Variants in CDH12 observed in about 807,000 individuals in gnomAD.
CDH12 encodes the protein cadherin 12, also known as cadherin-12.
CDH12 carries 41 observed loss-of-function variants against 74.1 expected under a neutral mutation model. The ratio of observed to expected loss-of-function variants is 0.55; its 90% CI spans 0.43 to 0.72. CDH12 has a LOEUF of 0.72. Ranked by LOEUF, CDH12 falls within the 30% of genes least tolerant of loss-of-function variation. The pLI is 0.00. For synonymous variants in CDH12, 399 were observed against 355.0 expected (o/e 1.12, Z -1.39); for missense variants, 945 against 977.2 (o/e 0.97, Z 0.44).
At chr5:21,991,016 T>G (rs1757721792) in intron 5 of CDH12, among the ~76,000 whole-genome samples, 1 of 151,194 alleles carries the variant, frequency 6.6e-6, no homozygotes, top group East Asian at 2.0e-4. Flanking sequence ...GAATTAGCAA[T>G]AGATATAAAC....
At chr5:22,463,475 A>G (rs1745600097) in intron 2 of CDH12, among the ~76,000 whole-genome samples, 1 of 152,166 alleles carries the variant, frequency 6.6e-6, no homozygotes, top group Non-Finnish European at 1.5e-5. Flanking sequence ...GATTCAAAAA[A>G]CACTGTATAC....
intron 1 of CDH12, among the ~76,000 whole-genome samples, chr5:22,577,201 G>A (rs570333785): frequency 1.5e-4 from 23 of 152,238 alleles, no homozygotes; most frequent in African/African-American, 5.5e-4. Flanking sequence ...CAACCAGTCA[G>A]CCCTCATCTA....
At position 22,633,986 on chromosome 5, in the gene CDH12, A is replaced by C. The variant is rs1738708863; in HGVS notation, c.-522-128622T>G. 2.0e-5 allele frequency among the ~76,000 whole-genome samples: 3 copies of C among 152,204 alleles called. No individual in the cohort carries two copies. The South Asian group carries it at 6.2e-4, about 31-fold the overall frequency. On this transcript the variant is annotated intron_variant, in intron 1 of 14. Coordinates refer to ENST00000382254, the MANE Select transcript of CDH12 (RefSeq NM_004061.5). ...TATAAGAAGAGGAAAGGAAAGGACC[A>C]TATTGCTATAAAGCTTTTGTATAGT...
intron 4 of CDH12, among the ~76,000 whole-genome samples, chr5:22,190,383 T>C (rs1424296850): frequency 6.6e-6 from 1 of 152,098 alleles, no homozygotes; most frequent in Non-Finnish European, 1.5e-5. Context: ...TATCTATCTA[T>C]CTATCTATCT....
At chr5:21,814,537 G>C (rs1747937366) in intron 9 of CDH12, among the ~76,000 whole-genome samples, 1 of 151,338 alleles carries the variant, frequency 6.6e-6, no homozygotes, top group African/African-American at 2.4e-5. Flanking sequence ...TTTCTAGATT[G>C]ACACCTAGAC....
intron 1 of CDH12, among the ~76,000 whole-genome samples, chr5:22,822,619 A>C (rs1437104053): frequency 6.6e-6 from 1 of 152,216 alleles, no homozygotes; most frequent in Non-Finnish European, 1.5e-5. Flanking sequence ...GCAGCCAAAA[A>C]ACACATGAAA....
At chr5:22,726,606 A>T (rs896015362) in intron 1 of CDH12, among the ~76,000 whole-genome samples, 6 of 151,952 alleles carry the variant, frequency 3.9e-5, no homozygotes, top group African/African-American at 1.4e-4. Flanking sequence ...ATTGCTTCAC[A>T]TTCCAGGCAG....
chr5:22,708,984 G>C (rs1743160583), intron 1 of CDH12, among the ~76,000 whole-genome samples: 1 of 152,096 alleles, frequency 6.6e-6, no homozygotes, highest in African/African-American at 2.4e-5. Context: ...AGAGCACAGG[G>C]GGCAGGTCTT....
intron 1 of CDH12, among the ~76,000 whole-genome samples, chr5:22,782,770 A>G (rs1267691468): frequency 6.6e-6 from 1 of 152,132 alleles, no homozygotes; most frequent in Non-Finnish European, 1.5e-5. Flanking sequence ...TTAATTACAT[A>G]TCGTATGTGG....
At chr5:22,161,985 G>A (rs1580343305) in intron 4 of CDH12, among the ~76,000 whole-genome samples, 5 of 151,450 alleles carry the variant, frequency 3.3e-5, no homozygotes, top group Middle Eastern at 6.8e-3. Context: ...TCCCAGCCAT[G>A]TCTGTATAAT....
rs145416710 is a variant in CDH12 at position 22,004,708 on chromosome 5, T to C, written c.232-29323A>G. Among the ~76,000 whole-genome samples, 519 of 152,296 alleles carry C rather than the reference T, an allele frequency of 3.4e-3. 2 individuals are homozygous for C. Among genetic ancestry groups the C allele is most frequent in the South Asian group, 5.6e-3 (27 of 4,824 alleles). On this transcript the variant is annotated intron_variant, in intron 5 of 14. Coordinates refer to ENST00000382254, the MANE Select transcript of CDH12 (RefSeq NM_004061.5). The stretch of plus-strand genomic sequence containing the variant: ...TGTGCAGGTTTGTTACATGGATGTA[T>C]TGGGTAATGGTGAGGTTTGTGCTTC...
At chr5:22,249,382 C>G (rs953897060) in intron 3 of CDH12, among the ~76,000 whole-genome samples, 1 of 151,800 alleles carries the variant, frequency 6.6e-6, no homozygotes, top group Non-Finnish European at 1.5e-5. Context: ...TGGCGGGAGG[C>G]GATAAGGTAG....
intron 2 of CDH12, among the ~76,000 whole-genome samples, chr5:22,497,629 G>GTC (rs1747152113): frequency 7.2e-6 from 1 of 139,374 alleles, no homozygotes; most frequent in Non-Finnish European, 1.5e-5. Flanking sequence ...CCCACTGCCT[G>GTC]TCGAATCTCT....
chr5:21,979,788 GAT>G (rs1459198413), intron 5 of CDH12, among the ~76,000 whole-genome samples: 1 of 151,382 alleles, frequency 6.6e-6, no homozygotes, highest in African/African-American at 2.4e-5. Flanking sequence ...CCCACATGTG[GAT>G]ATATGTGTTT....
In CDH12 at chr5:22,144,697, T is replaced by C. The variant is rs553923281; in HGVS notation, c.-186-65835A>G. Among the ~76,000 whole-genome samples the C allele has an allele frequency of 4.6e-5, 7 of 152,232 alleles. No individual in the cohort carries two copies. In the South Asian group the frequency reaches 1.5e-3, roughly 32 times the overall value. On this transcript the variant is annotated intron_variant, in intron 4 of 14. Transcript: ENST00000382254. ...CTTATAAGCATTTCTTACCATCTTG[T>C]TATAAACCAAAAATGGCAGTCTTTC... is the stretch of plus-strand genomic sequence containing the variant.
In CDH12 at chr5:22,460,713, A is replaced by ATTTTTTTTTTTT. The variant is rs3039460; in HGVS notation, c.-428+44545_-428+44556dup. On this transcript the variant is annotated intron_variant, in intron 2 of 14. Transcript: ENST00000382254. Reference sequence around the variant, plus strand: ...AGAGAACAGTTGATGATATCTAGCAATTTTTTTTTTTTTTTTTTTTTTTTT... The same window carrying ATTTTTTTTTTTT: ...AGAGAACAGTTGATGATATCTAGCAATTTTTTTTTTTTTTTTTTTTTTTTTTTTTTTTTTTTT... 2.1e-4 allele frequency among the ~76,000 whole-genome samples: 18 copies of ATTTTTTTTTTTT among 85,608 alleles called. 2 individuals carry two copies. The highest frequency in any genetic ancestry group is 7.6e-4 in the African/African-American group (15 of 19,772). 56.2% of individuals were successfully genotyped at this position (85,608 alleles called of 152,430 possible).
intron 1 of CDH12, among the ~76,000 whole-genome samples, chr5:22,764,860 A>C (rs1746416872): frequency 6.6e-6 from 1 of 151,982 alleles, no homozygotes; most frequent in Non-Finnish European, 1.5e-5. Flanking sequence ...TGAAAGACAA[A>C]GAAAGTCGGA....
chr5:22,507,021 T>A (rs1184892567), intron 1 of CDH12, among the ~76,000 whole-genome samples: 1 of 152,128 alleles, frequency 6.6e-6, no homozygotes, highest in Non-Finnish European at 1.5e-5. Flanking sequence ...TCCACACAAG[T>A]GGACATGTTT....
chr5:22,841,340 T>C (rs535499062), intron 1 of CDH12, among the ~76,000 whole-genome samples: 29 of 152,214 alleles, frequency 1.9e-4, no homozygotes, highest in African/African-American at 4.6e-4. Flanking sequence ...CCTTGAGTAA[T>C]TGGAAGGATG....
Sources: gnomAD v4.1 joint callset for allele counts (sites outside exome capture counted in the v4.1 genomes callset) on GRCh38, gnomAD v4.1.1 for gene constraint, MANE v1.5 for transcripts, NCBI Gene and HGNC (gene_info 2026-07-23, HGNC 2026-07-21) for gene names.